Variants in EYS observed in about 807,000 individuals in gnomAD.
EYS encodes the protein protein eyes shut homolog.
Under a neutral mutation model 282.1 loss-of-function variants are expected in EYS, and 250 were observed. That is an observed-to-expected ratio of 0.89 (90% confidence interval 0.80 to 0.98). The LOEUF (loss-of-function observed/expected upper bound fraction) is 0.98. EYS is among the 50% of genes least tolerant of loss of function. The probability of loss-of-function intolerance (pLI) is 0.00; values close to 1 mark genes in which losing one functional copy is unlikely to be tolerated. For synonymous variants in EYS, 1,355 were observed against 1,282.9 expected, an observed-to-expected ratio of 1.06 and a Z score of -1.20; for missense variants, 4,016 against 3,709.0, an observed-to-expected ratio of 1.08 and a Z score of -2.15.
intron 5 of EYS, among the ~76,000 whole-genome samples, chr6:65,438,362 G>C (rs1026565728): frequency 2.0e-5 from 3 of 151,968 alleles, no homozygotes; most frequent in Non-Finnish European, 2.9e-5. Flanking sequence ...AATCCTTTGG[G>C]TATATACCCA....
intron 11 of EYS, among the ~76,000 whole-genome samples, chr6:65,299,219 T>C (rs1768747908): frequency 6.6e-6 from 1 of 152,212 alleles, no homozygotes; most frequent in Non-Finnish European, 1.5e-5. Flanking sequence ...TGTATGTGTT[T>C]AATTCATGAA....
At chr6:64,715,352 CTTCACAAAGA>C (rs1429236701) in intron 22 of EYS, among the ~76,000 whole-genome samples, 30 of 152,122 alleles carry the variant, frequency 2.0e-4, no homozygotes, top group Admixed American at 1.1e-3. Flanking sequence ...GAAAACCGTG[CTTCACAAAGA>C]TAGCATGATG....
At chr6:64,050,613 C>T (rs1398228671) in intron 33 of EYS, among the ~76,000 whole-genome samples, 1 of 152,150 alleles carries the variant, frequency 6.6e-6, no homozygotes, top group East Asian at 1.9e-4. Flanking sequence ...TGTACTCAAA[C>T]TTGACTTTCT....
chr6:64,333,886 C>T lies in EYS; in HGVS notation c.6079-26804G>A, dbSNP rs73764062. Among the ~76,000 whole-genome samples the T allele has an allele frequency of 5.1e-3, 775 of 152,286 alleles. 5 individuals carry two copies. Among genetic ancestry groups the T allele is most frequent in the African/African-American group, 0.017 (697 of 41,586 alleles). On this transcript the variant is annotated intron_variant, in intron 29 of 42. Coordinates refer to ENST00000503581, the MANE Select transcript of EYS (RefSeq NM_001142800.2). ...ACTTCATGTTATGTATGTGGAGGTA[C>T]TAATCTGGGAGGTCAATGGCCCTGG...
At chr6:65,458,763 T>A (rs1764717033) in intron 5 of EYS, among the ~76,000 whole-genome samples, 1 of 152,124 alleles carries the variant, frequency 6.6e-6, no homozygotes, top group South Asian at 2.1e-4. Flanking sequence ...CACACTTATC[T>A]TATAATTGTG....
chr6:65,641,669 G>T (rs1376470118), intron 1 of EYS, among the ~76,000 whole-genome samples: 1 of 152,184 alleles, frequency 6.6e-6, no homozygotes, highest in Non-Finnish European at 1.5e-5. Context: ...CTCTTTTTAA[G>T]AACACTAACT....
intron 22 of EYS, among the ~76,000 whole-genome samples, chr6:64,629,890 C>A (rs1725949432): frequency 1.3e-5 from 2 of 152,220 alleles, no homozygotes; most frequent in South Asian, 4.1e-4. Flanking sequence ...CCTTTTATTT[C>A]TTTTCCCTGT....
At chr6:65,593,662 T>G (rs1765307260) in intron 2 of EYS, among the ~76,000 whole-genome samples, 1 of 151,998 alleles carries the variant, frequency 6.6e-6, no homozygotes, top group African/African-American at 2.4e-5. Context: ...TCAATTTTTC[T>G]ACTTACTCTC....
chr6:64,110,731 T>A (rs2150266092), intron 31 of EYS, among the ~76,000 whole-genome samples: 1 of 152,108 alleles, frequency 6.6e-6, no homozygotes, highest in East Asian at 1.9e-4. Context: ...TGAGGTTTGA[T>A]ATTAGGACCT....
chr6:65,542,845 C>T (rs1172858286), intron 2 of EYS, among the ~76,000 whole-genome samples: 1 of 152,006 alleles, frequency 6.6e-6, no homozygotes, highest in East Asian at 1.9e-4. Context: ...TTTAAGCATT[C>T]AAATATATTT....
intron 29 of EYS, among the ~76,000 whole-genome samples, chr6:64,324,650 A>C (rs1689262530): frequency 6.6e-6 from 1 of 152,214 alleles, no homozygotes; most frequent in Non-Finnish European, 1.5e-5. Flanking sequence ...AATTAAATGC[A>C]TCCAAAATAG....
intron 35 of EYS, among the ~76,000 whole-genome samples, chr6:63,964,357 T>C (rs906433260): frequency 6.6e-6 from 1 of 152,204 alleles, no homozygotes; most frequent in Non-Finnish European, 1.5e-5. Context: ...TGCTTTCAAG[T>C]ATATGCATAC....
At chr6:64,564,964 T>C (rs1023284800) in intron 26 of EYS, among the ~76,000 whole-genome samples, 6 of 152,206 alleles carry the variant, frequency 3.9e-5, no homozygotes, top group Non-Finnish European at 5.9e-5. Context: ...CTGTTGCCAT[T>C]TGTGTGTCTT....
At chr6:65,436,246 G>T (rs1471527988) in intron 5 of EYS, among the ~76,000 whole-genome samples, 1 of 152,072 alleles carries the variant, frequency 6.6e-6, no homozygotes, top group Non-Finnish European at 1.5e-5. Context: ...AAGATTAAAT[G>T]CCAGAGCATT....
chr6:64,552,311 A>G (rs1316364142), intron 26 of EYS, among the ~76,000 whole-genome samples: 1 of 152,170 alleles, frequency 6.6e-6, no homozygotes, highest in East Asian at 1.9e-4. Context: ...TCCCAAACAT[A>G]TTTATTTGAC....
At chr6:64,170,415 T>C (rs1416558596) in intron 31 of EYS, among the ~76,000 whole-genome samples, 1 of 152,044 alleles carries the variant, frequency 6.6e-6, no homozygotes, top group Non-Finnish European at 1.5e-5. Flanking sequence ...TTACTGAGGC[T>C]AGAAGTCTAA....
chr6:65,160,845 A>T (rs1413237178), intron 12 of EYS, among the ~76,000 whole-genome samples: 2 of 147,376 alleles, frequency 1.4e-5, no homozygotes, highest in African/African-American at 5.1e-5. Context: ...TATATTTATT[A>T]TATTTTCCCC....
intron 22 of EYS, among the ~76,000 whole-genome samples, chr6:64,798,790 A>G (rs1224805081): frequency 6.6e-6 from 1 of 151,746 alleles, no homozygotes; most frequent in East Asian, 1.9e-4. Context: ...ATATTTTTGC[A>G]TTTGAACCCA....
At chr6:65,338,145 C>A (rs1289919658) in intron 10 of EYS, among the ~76,000 whole-genome samples, 1 of 151,104 alleles carries the variant, frequency 6.6e-6, no homozygotes, top group Admixed American at 6.6e-5. Flanking sequence ...TTATTTTATG[C>A]TGCAGTTATG....
Sources: allele counts gnomAD v4.1 joint callset (sites outside exome capture counted in the v4.1 genomes callset), GRCh38; gene constraint gnomAD v4.1.1; transcripts MANE v1.5; gene names NCBI Gene and HGNC (gene_info 2026-07-23, HGNC 2026-07-21).